The following GRM5 variants were observed in gnomAD, a reference collection of about 807,000 sequenced individuals.
GRM5 encodes metabotropic glutamate receptor 5.
GRM5 carries 19 observed loss-of-function variants against 83.1 expected under a neutral mutation model. That is an observed-to-expected ratio of 0.23 (90% CI 0.16 to 0.34). The LOEUF is 0.34. Ranked by LOEUF, GRM5 falls within the 10% of genes least tolerant of loss-of-function variation. GRM5 has a pLI of 1.00. For missense variants in GRM5, 1,160 were observed against 1,588.3 expected, an observed-to-expected ratio of 0.73 and a Z score of 4.58; for synonymous variants, 675 against 633.6, an observed-to-expected ratio of 1.07 and a Z score of -0.98.
chr11:88,600,213 T>C (rs1391973992), intron 5 of GRM5, among the ~76,000 whole-genome samples: 2 of 151,272 alleles, frequency 1.3e-5, no homozygotes, highest in African/African-American at 2.4e-5. Context: ...TCCTCCTCCT[T>C]CTCTTCTTCC....
At chr11:88,628,809 T>C (rs1938878312) in intron 4 of GRM5, among the ~76,000 whole-genome samples, 1 of 152,164 alleles carries the variant, frequency 6.6e-6, no homozygotes, top group Non-Finnish European at 1.5e-5. Flanking sequence ...CTAATGTAGA[T>C]TGTGAAGTGC....
At position 89,028,869 on chromosome 11, in the gene GRM5, T is replaced by C. The variant is rs533747842; in HGVS notation, c.661+18343A>G. On this transcript the variant is annotated intron_variant, in intron 2 of 9. Transcript: ENST00000305447. ...TACATAGGTATACACACACGTGCCA[T>C]GGTGGTTTGCTGCACCCGTCAACCC... 4.5e-3 allele frequency among the ~76,000 whole-genome samples: 678 copies of C among 152,268 alleles called. 7 individuals are homozygous for C. The highest frequency in any genetic ancestry group is 7.4e-3 in the Non-Finnish European group (503 of 68,016).
At chr11:88,722,481 A>G (rs1003451305) in intron 3 of GRM5, among the ~76,000 whole-genome samples, 11 of 152,144 alleles carry the variant, frequency 7.2e-5, no homozygotes, top group Non-Finnish European at 1.2e-4. Context: ...ACTTTTGTAC[A>G]TTTCAGAAGC....
chr11:89,036,367 C>T (rs1331947841), intron 2 of GRM5, among the ~76,000 whole-genome samples: 4 of 152,052 alleles, frequency 2.6e-5, no homozygotes, highest in Admixed American at 2.0e-4. Flanking sequence ...TGGTAACTTT[C>T]CTGACCAATT....
chr11:88,900,514 C>T, intron 2 of GRM5, among the ~76,000 whole-genome samples: 1 of 152,016 alleles, frequency 6.6e-6, no homozygotes, highest in Non-Finnish European at 1.5e-5. Context: ...TATTATATAC[C>T]TAAAAGCATG....
intron 2 of GRM5, among the ~76,000 whole-genome samples, chr11:88,979,858 C>T (rs1939469627): frequency 6.6e-6 from 1 of 152,042 alleles, no homozygotes; most frequent in African/African-American, 2.4e-5. Flanking sequence ...CAGACATTAA[C>T]ATTTTTTTTT....
chr11:88,524,346 T>C (rs1467997977), intron 9 of GRM5, among the ~76,000 whole-genome samples: 1 of 151,688 alleles, frequency 6.6e-6, no homozygotes, highest in Non-Finnish European at 1.5e-5. Context: ...GTCTCCTGAG[T>C]AGCTGGAATT....
chr11:88,572,551 T>C (rs1402898178), intron 7 of GRM5, among the ~76,000 whole-genome samples: 1 of 152,206 alleles, frequency 6.6e-6, no homozygotes, highest in Admixed American at 6.5e-5. Flanking sequence ...GTATTAGATT[T>C]ATTTCTTTTG....
intron 3 of GRM5, among the ~76,000 whole-genome samples, chr11:88,848,235 T>C (rs1944330601): frequency 6.6e-6 from 1 of 152,178 alleles, no homozygotes; most frequent in South Asian, 2.1e-4. Context: ...TGACAAAATA[T>C]ATGACATTGA....
intron 2 of GRM5, among the ~76,000 whole-genome samples, chr11:88,913,588 T>C (rs1945539141): frequency 2.1e-4 from 1 of 4,864 alleles, no homozygotes; most frequent in African/African-American, 2.3e-4. Flanking sequence ...TCTCTCTCTC[T>C]TTTTTTTTTT....
At chr11:88,922,447 T>C (rs1362896033) in intron 2 of GRM5, among the ~76,000 whole-genome samples, 2 of 152,230 alleles carry the variant, frequency 1.3e-5, no homozygotes, top group Non-Finnish European at 2.9e-5. Context: ...GAACTCATTT[T>C]TGACTAAAGA....
At chr11:88,760,119 T>C (rs1942481015) in intron 3 of GRM5, among the ~76,000 whole-genome samples, 1 of 152,052 alleles carries the variant, frequency 6.6e-6, no homozygotes, top group African/African-American at 2.4e-5. Context: ...ATCAAAAAGT[T>C]AGAAAGATTT....
intron 4 of GRM5, among the ~76,000 whole-genome samples, chr11:88,611,725 T>G (rs1387598358): frequency 6.6e-6 from 1 of 152,198 alleles, no homozygotes; most frequent in Non-Finnish European, 1.5e-5. Context: ...ATTTCAGTTC[T>G]GATTTTGATT....
chr11:88,622,367 A>G (rs1938662168), intron 4 of GRM5, among the ~76,000 whole-genome samples: 1 of 152,244 alleles, frequency 6.6e-6, no homozygotes, highest in African/African-American at 2.4e-5. Context: ...ACCCAGTTCA[A>G]TCTGACTCTT....
intron 9 of GRM5, among the ~76,000 whole-genome samples, chr11:88,518,182 A>G (rs1192863328): frequency 6.6e-6 from 1 of 151,994 alleles, no homozygotes; most frequent in African/African-American, 2.4e-5. Flanking sequence ...TTAATAATAT[A>G]AAAATAGAAT....
chr11:88,656,662 C>T (rs950636357), intron 3 of GRM5, among the ~76,000 whole-genome samples: 5 of 151,994 alleles, frequency 3.3e-5, no homozygotes, highest in African/African-American at 1.2e-4. Flanking sequence ...GATGTGTTAT[C>T]TAGTGTTTCT....
intron 2 of GRM5, among the ~76,000 whole-genome samples, chr11:88,902,950 C>CAAAAAAAAAAAAA (rs201996144): frequency 8.1e-4 from 50 of 61,890 alleles, no homozygotes; most frequent in African/African-American, 2.7e-3. Flanking sequence ...GACTCCATCT[C>CAAAAAAAAAAAAA]AAAAAAAAAA....
At chr11:88,616,245 G>C (rs1213125641) in intron 4 of GRM5, among the ~76,000 whole-genome samples, 3 of 152,124 alleles carry the variant, frequency 2.0e-5, no homozygotes, top group Non-Finnish European at 4.4e-5. Context: ...TCTGGGAGAA[G>C]TTTGTTGCCA....
chr11:88,558,965 C>T (rs544429756), intron 8 of GRM5, among the ~76,000 whole-genome samples: 2 of 151,616 alleles, frequency 1.3e-5, no homozygotes, highest in South Asian at 2.1e-4. Flanking sequence ...ATAAAGAGCT[C>T]ATAATAAAAG....
Sources: gnomAD v4.1 joint callset for allele counts (sites outside exome capture counted in the v4.1 genomes callset) on GRCh38, gnomAD v4.1.1 for gene constraint, MANE v1.5 for transcripts, NCBI Gene and HGNC (gene_info 2026-07-23, HGNC 2026-07-21) for gene names.